TMEM144: variants seen among roughly 807,000 people sequenced by gnomAD.
TMEM144 encodes the protein transmembrane protein 144.
A neutral mutation model predicts 43.6 loss-of-function variants in TMEM144; 39 were observed. That is an observed-to-expected ratio of 0.90 (90% CI 0.69 to 1.17). TMEM144 has a LOEUF of 1.17. Among genes scored for constraint, TMEM144 ranks in the 50% most tolerant of loss-of-function variants. The pLI is 0.00. For missense variants in TMEM144, 417 were observed against 411.9 expected (o/e 1.01, Z -0.11); for synonymous variants, 154 against 133.6 (o/e 1.15, Z -1.06).
intron 6 of TMEM144, among the ~76,000 whole-genome samples, chr4:158,221,154 G>T (rs1417930850): frequency 6.6e-6 from 1 of 152,062 alleles, no homozygotes; most frequent in African/African-American, 2.4e-5. Flanking sequence ...GATATACAAA[G>T]TGTCTATCAG....
At chr4:158,250,162 C>T (rs1232584471) in intron 12 of TMEM144, among the ~76,000 whole-genome samples, 1 of 144,418 alleles carries the variant, frequency 6.9e-6, no homozygotes, top group Admixed American at 7.1e-5. Context: ...TAGTTAGTAA[C>T]ATAATTATTT....
At chr4:158,229,556 C>A (rs1734962629) in intron 6 of TMEM144, among the ~76,000 whole-genome samples, 1 of 152,070 alleles carries the variant, frequency 6.6e-6, no homozygotes, top group African/African-American at 2.4e-5. Flanking sequence ...GGGGGGAAAA[C>A]CATTTATCTG....
chr4:158,237,641 A>G lies in TMEM144; in HGVS notation c.680A>G (p.Tyr227Cys), dbSNP rs1735423251. 1 of 1,587,976 alleles carries G rather than the reference A, an allele frequency of 6.3e-7. No homozygotes were observed. Among genetic ancestry groups the G allele is most frequent in the Non-Finnish European group, 8.6e-7 (1 of 1,160,638 alleles). ...AGTATATATGCAGGGGCAAGCCAAT[A>G]TGGTGAGAATAAAAAGTTATCTTAC... ...NDSIYAGASQYDLDYVFAHFS... is the reference protein window; with the variant it reads ...NDSIYAGASQCDLDYVFAHFS... The change falls in exon 9 of 13, where the codon TAT (tyrosine) becomes TGT (cysteine). Residue 227 changes from tyrosine to cysteine, a missense_variant and splice_region_variant. Transcript: ENST00000296529.
rs758112874 is a variant in TMEM144, at chr4:158,217,405, G to C, written c.317G>C (p.Gly106Ala). 6.2e-7 allele frequency: 1 copy of C among 1,612,524 alleles called. No homozygotes were observed. The change falls in exon 5 of 13, where the codon GGC becomes GCC. Residue 106 changes from glycine to alanine, a missense_variant. Gly to Ala is a moderately conservative substitution (Grantham distance 60). Transcript: ENST00000296529. Reference protein sequence around the residue: ...LIWGSFNALTGWASSRFGWFG... With the variant: ...LIWGSFNALTAWASSRFGWFG... ...TGGGGATCATTTAATGCCTTAACTGGCTGGGCAAGCTCAAGGTAATTCAAG... is the reference window on the plus strand; with the variant it reads ...TGGGGATCATTTAATGCCTTAACTGCCTGGGCAAGCTCAAGGTAATTCAAG...
At position 158,251,467 on chromosome 4, in the gene TMEM144, G is replaced by C. The variant is rs531983434; in HGVS notation, c.955-1977G>C. ...ATAATACAGGGTGGTCACAGATTAG[G>C]AAAATCCCAGGCAGCAGTTTCACAT... On this transcript the variant is annotated intron_variant, in intron 12 of 12. Transcript: ENST00000296529. Among the ~76,000 whole-genome samples, 6 of 152,316 alleles carry C rather than the reference G, an allele frequency of 3.9e-5. No homozygotes were observed. In the South Asian group the frequency reaches 1.2e-3, roughly 32 times the overall value.
chr4:158,220,980 G>C (rs1330838554), intron 6 of TMEM144, among the ~76,000 whole-genome samples: 1 of 152,144 alleles, frequency 6.6e-6, no homozygotes, highest in African/African-American at 2.4e-5. Flanking sequence ...GGTATTCACT[G>C]AATAAACTTG....
At chr4:158,212,811 A>G in intron 3 of TMEM144, 35 bp downstream of exon 3, 1 of 1,512,576 alleles carries the variant, frequency 6.6e-7, no homozygotes, top group East Asian at 2.3e-5. Flanking sequence ...ACGTTATATT[A>G]TTTTTAAAAA....
In TMEM144 at chr4:158,244,295, G is replaced by C; in HGVS notation, c.901-1G>C. The C allele has an allele frequency of 6.3e-7, 1 of 1,583,022 alleles. No homozygotes were observed. Among genetic ancestry groups the C allele is most frequent in the South Asian group, 1.2e-5 (1 of 85,054 alleles). The stretch of plus-strand genomic sequence containing the variant: ...AATTAAAATTTATATTTTTATTTAA[G>C]GGTCCAGGATTTATAGCTGCAATGT... On this transcript the variant is annotated splice_acceptor_variant, in intron 11 of 12. Transcript: ENST00000296529. LOFTEE classifies it high-confidence loss of function.
chr4:158,245,752 G>T (rs962219051), intron 12 of TMEM144, among the ~76,000 whole-genome samples: 2 of 151,878 alleles, frequency 1.3e-5, no homozygotes, highest in African/African-American at 2.4e-5. Flanking sequence ...TAGCAAAACC[G>T]CTATCTCTAC....
intron 5 of TMEM144, 138 bp downstream of exon 5, chr4:158,217,558 C>A: frequency 1.7e-6 from 1 of 592,206 alleles, no homozygotes; most frequent in Non-Finnish European, 3.0e-6. Flanking sequence ...ATCATATATG[C>A]CACCTTCTAT....
chr4:158,210,651 A>G (rs570162801), intron 1 of TMEM144, 65 bp downstream of exon 1: 7 of 152,370 alleles, frequency 4.6e-5, no homozygotes, highest in African/African-American at 1.7e-4. Flanking sequence ...GATTTTTCAG[A>G]AACGTGCTCA....
chr4:158,234,358 C>CT (rs1350112111), intron 7 of TMEM144: 2 of 138,578 alleles, frequency 1.4e-5, no homozygotes, highest in Non-Finnish European at 3.1e-5. Context: ...TGGTGAAACT[C>CT]TATCTCTACT....
chr4:158,219,461 T>C, intron 6 of TMEM144, 71 bp downstream of exon 6: 2 of 1,397,500 alleles, frequency 1.4e-6, no homozygotes, highest in South Asian at 1.2e-5. Context: ...GATCCTGCTA[T>C]GTTTACATTT....
At chr4:158,250,439 C>T (rs1397722010) in intron 12 of TMEM144, among the ~76,000 whole-genome samples, 4 of 152,040 alleles carry the variant, frequency 2.6e-5, no homozygotes, top group African/African-American at 7.2e-5. Context: ...TGAAACCAGA[C>T]AAAAGTCCAC....
chr4:158,215,459 C>T lies in TMEM144; in HGVS notation c.232+146C>T, dbSNP rs976545994. On this transcript the variant is annotated intron_variant, in intron 4 of 12. Transcript: ENST00000296529. Reference sequence around the variant, plus strand: ...GAAATTAACTAGTTTCTTGCCTTCACATGCTCAATGAATATTTTTGGTGCC... The same window carrying T: ...GAAATTAACTAGTTTCTTGCCTTCATATGCTCAATGAATATTTTTGGTGCC... 4 of 998,058 alleles carry T rather than the reference C, an allele frequency of 4.0e-6. No homozygotes were observed. The African/African-American group carries it at 6.6e-5, about 16-fold the overall frequency. The allele number at this position is 998,058 out of a possible 1,614,324, so 61.8% of individuals were successfully genotyped here.
chr4:158,249,967 C>T (rs898627904), intron 12 of TMEM144, among the ~76,000 whole-genome samples: 5 of 146,220 alleles, frequency 3.4e-5, no homozygotes, highest in South Asian at 2.2e-4. Flanking sequence ...GCAAGGTTTT[C>T]GGGTGCTTCT....
intron 6 of TMEM144, among the ~76,000 whole-genome samples, chr4:158,219,736 T>C (rs1357887903): frequency 1.3e-5 from 2 of 152,246 alleles, no homozygotes; most frequent in Non-Finnish European, 1.5e-5. Context: ...AGAAAAAGCA[T>C]TCTGCTGGCT....
At chr4:158,239,318 A>C (rs756081744) in intron 9 of TMEM144, among the ~76,000 whole-genome samples, 6 of 152,236 alleles carry the variant, frequency 3.9e-5, no homozygotes, top group Non-Finnish European at 8.8e-5. Context: ...GGACAGAAAC[A>C]TTAAATCCAA....
chr4:158,247,795 C>T (rs541987215), intron 12 of TMEM144, among the ~76,000 whole-genome samples: 3 of 151,816 alleles, frequency 2.0e-5, no homozygotes, highest in South Asian at 2.1e-4. Flanking sequence ...TGGAACATCT[C>T]GCTGTTATAA....
Sources: gnomAD v4.1 joint callset for allele counts (sites outside exome capture counted in the v4.1 genomes callset) on GRCh38, gnomAD v4.1.1 for gene constraint, MANE v1.5 for transcripts, NCBI Gene and HGNC (gene_info 2026-07-23, HGNC 2026-07-21) for gene names.